Variants in NLGN1 observed in about 807,000 individuals in gnomAD.
NLGN1 encodes the protein neuroligin 1.
Under a neutral mutation model 65.5 loss-of-function variants are expected in NLGN1, and 12 were observed. The ratio of observed to expected loss-of-function variants is 0.18; its 90% confidence interval spans 0.12 to 0.30. The LOEUF is 0.30. NLGN1 is among the 10% of genes least tolerant of loss of function. The pLI is 1.00. For synonymous variants in NLGN1, 350 were observed against 359.5 expected (o/e 0.97, Z 0.30); for missense variants, 750 against 1,007.1 (o/e 0.74, Z 3.46).
chr3:173,876,920 A>T (rs1397528466), intron 4 of NLGN1, among the ~76,000 whole-genome samples: 1 of 152,198 alleles, frequency 6.6e-6, no homozygotes, highest in South Asian at 2.1e-4. Flanking sequence ...TAATACAGAA[A>T]GAATGAGGGA....
At chr3:174,160,552 A>ATTCTTCATAT (rs1451415325) in intron 4 of NLGN1, among the ~76,000 whole-genome samples, 2 of 151,612 alleles carry the variant, frequency 1.3e-5, no homozygotes, top group Non-Finnish European at 3.0e-5. Flanking sequence ...CTTCATATTC[A>ATTCTTCATAT]TCCTTATACT....
intron 3 of NLGN1, among the ~76,000 whole-genome samples, chr3:173,729,758 T>G (rs980492709): frequency 4.6e-5 from 7 of 152,186 alleles, no homozygotes; most frequent in African/African-American, 1.4e-4. Flanking sequence ...GAATGCATTG[T>G]CAAATGTCCA....
chr3:173,979,925 A>G (rs373268583), intron 4 of NLGN1, among the ~76,000 whole-genome samples: 72 of 152,180 alleles, frequency 4.7e-4, no homozygotes, highest in Middle Eastern at 3.4e-3. Flanking sequence ...CACCTTATCA[A>G]TAACTGTATT....
At chr3:174,259,097 C>T (rs917857729) in intron 4 of NLGN1, among the ~76,000 whole-genome samples, 1 of 152,016 alleles carries the variant, frequency 6.6e-6, no homozygotes, top group Non-Finnish European at 1.5e-5. Context: ...ATTAGGGGGA[C>T]ATTTATCCTC....
At chr3:173,426,482 C>G (rs1174711866) in intron 1 of NLGN1, among the ~76,000 whole-genome samples, 2 of 151,978 alleles carry the variant, frequency 1.3e-5, no homozygotes, top group Admixed American at 6.6e-5. Flanking sequence ...CATATACAGC[C>G]TTTAATGTTT....
chr3:173,624,054 C>G (rs557299639), intron 3 of NLGN1, among the ~76,000 whole-genome samples: 1 of 152,204 alleles, frequency 6.6e-6, no homozygotes, highest in South Asian at 2.1e-4. Context: ...GCAGGGCCCT[C>G]TGGCTCTAAC....
intron 4 of NLGN1, among the ~76,000 whole-genome samples, chr3:173,936,741 C>T (rs949640926): frequency 6.6e-6 from 1 of 151,984 alleles, no homozygotes; most frequent in East Asian, 1.9e-4. Flanking sequence ...ACATTATAGC[C>T]GGAAACGGCA....
At chr3:173,502,195 A>G (rs540219883) in intron 2 of NLGN1, among the ~76,000 whole-genome samples, 19 of 152,170 alleles carry the variant, frequency 1.2e-4, no homozygotes, top group Admixed American at 8.5e-4. Context: ...TGGATATTCT[A>G]TTTTTCAATG....
At chr3:173,631,219 C>T (rs1577635998) in intron 3 of NLGN1, among the ~76,000 whole-genome samples, 1 of 152,164 alleles carries the variant, frequency 6.6e-6, no homozygotes, top group Non-Finnish European at 1.5e-5. Flanking sequence ...CTCTGCTAAG[C>T]AGGCAGAGGG....
At chr3:173,881,089 C>CTTT (rs928288845) in intron 4 of NLGN1, among the ~76,000 whole-genome samples, 216 of 108,182 alleles carry the variant, frequency 2.0e-3, no homozygotes, top group Non-Finnish European at 2.4e-3. Context: ...AGGCTCCCTC[C>CTTT]TTTTTTTTTT....
chr3:174,009,943 A>T (rs1276894815), intron 4 of NLGN1, among the ~76,000 whole-genome samples: 1 of 152,098 alleles, frequency 6.6e-6, no homozygotes, highest in Non-Finnish European at 1.5e-5. Flanking sequence ...GATCTGGGTG[A>T]TGCTACGTGA....
intron 4 of NLGN1, among the ~76,000 whole-genome samples, chr3:173,946,132 G>C (rs1747098140): frequency 6.6e-6 from 1 of 152,164 alleles, no homozygotes; most frequent in Non-Finnish European, 1.5e-5. Flanking sequence ...TGTTAAATTA[G>C]AGTTTAGAAA....
chr3:173,719,104 C>A (rs962405058), intron 3 of NLGN1, among the ~76,000 whole-genome samples: 7 of 152,142 alleles, frequency 4.6e-5, no homozygotes, highest in African/African-American at 1.7e-4. Flanking sequence ...CAAAGCAAAG[C>A]ACTATTCCAG....
chr3:173,808,751 C>T (rs1049385492), intron 4 of NLGN1, among the ~76,000 whole-genome samples: 3 of 151,988 alleles, frequency 2.0e-5, no homozygotes, highest in East Asian at 1.9e-4. Context: ...CTTGAAGAAG[C>T]GTAAATTATA....
chr3:174,207,388 G>A (rs2152784679), intron 4 of NLGN1, among the ~76,000 whole-genome samples: 2 of 152,180 alleles, frequency 1.3e-5, no homozygotes, highest in East Asian at 3.9e-4. Flanking sequence ...GCATAAAGTA[G>A]GCACTCAATA....
chr3:173,766,541 G>A (rs1460441100), intron 3 of NLGN1, among the ~76,000 whole-genome samples: 1 of 152,128 alleles, frequency 6.6e-6, no homozygotes. Context: ...GACTATATTA[G>A]GTATGTGCTT....
At chr3:174,185,497 G>A (rs1229571652) in intron 4 of NLGN1, among the ~76,000 whole-genome samples, 1 of 152,078 alleles carries the variant, frequency 6.6e-6, no homozygotes, top group Non-Finnish European at 1.5e-5. Context: ...AGTGGCTACT[G>A]TACTGGACAT....
chr3:173,413,063 G>A (rs1227250587), intron 1 of NLGN1, among the ~76,000 whole-genome samples: 1 of 152,106 alleles, frequency 6.6e-6, no homozygotes, highest in African/African-American at 2.4e-5. Context: ...CTTTTTAAGA[G>A]TCTTTCCTTC....
At chr3:174,284,415 T>C (rs1160830338) in exon 7 of NLGN1, 1 of 151,418 alleles carries the variant, frequency 6.6e-6, no homozygotes, top group Non-Finnish European at 1.5e-5. Flanking sequence ...TTTAGATAAT[T>C]TTCTTTGAAA....
Sources: allele counts gnomAD v4.1 joint callset (sites outside exome capture counted in the v4.1 genomes callset), GRCh38; gene constraint gnomAD v4.1.1; transcripts MANE v1.5; gene names NCBI Gene and HGNC (gene_info 2026-07-23, HGNC 2026-07-21).